PITPNM2: variants seen among roughly 807,000 people sequenced by gnomAD.
PITPNM2 encodes membrane-associated phosphatidylinositol transfer protein 2.
Under a neutral mutation model 132.2 loss-of-function variants are expected in PITPNM2, and 35 were observed. The observed-to-expected ratio is 0.26, with a 90% confidence interval of 0.20 to 0.35. PITPNM2 has a LOEUF of 0.35. Ranked by LOEUF, PITPNM2 falls within the 10% of genes least tolerant of loss-of-function variation. The pLI is 1.00. For synonymous variants in PITPNM2, 738 were observed against 799.2 expected, an observed-to-expected ratio of 0.92 and a Z score of 1.29; for missense variants, 1,332 against 1,912.0, an observed-to-expected ratio of 0.70 and a Z score of 5.66.
In PITPNM2 at chr12:123,099,868, A is replaced by G. The variant is rs1404372802; in HGVS notation, c.-96+10517T>C. On this transcript the variant is annotated intron_variant, in intron 2 of 25. Transcript: ENST00000320201. The surrounding 1 kb of genome is among the most constrained non-coding windows in gnomAD (Gnocchi z 4.2). ...GAGGCCTATTCCCAGGGGCAATCAG[A>G]AGACTAGAAAGCACTGAAAGAGGCA... 6.6e-6 allele frequency among the ~76,000 whole-genome samples: 1 copy of G among 152,126 alleles called. No homozygotes were observed. Among genetic ancestry groups the G allele is most frequent in the Non-Finnish European group, 1.5e-5 (1 of 68,020 alleles).
chr12:123,151,523 G>A (rs1211339121), upstream of PITPNM2, among the ~76,000 whole-genome samples: 2 of 152,160 alleles, frequency 1.3e-5, no homozygotes, highest in East Asian at 3.9e-4. Flanking sequence ...GCTCACCGAA[G>A]CCCAGCCCCG....
chr12:123,134,661 T>G (rs2043337628), intron 1 of PITPNM2, among the ~76,000 whole-genome samples: 1 of 151,986 alleles, frequency 6.6e-6, no homozygotes, highest in South Asian at 2.1e-4. Context: ...TTTTACAAAA[T>G]GCTTAGATTC....
chr12:123,103,371 G>C (rs1566294588), intron 2 of PITPNM2, among the ~76,000 whole-genome samples: 1 of 152,214 alleles, frequency 6.6e-6, no homozygotes, highest in East Asian at 1.9e-4. Context: ...CTCAGCATGA[G>C]CCAAGTGAAT....
chr12:123,114,021 G>A (rs998923346), intron 1 of PITPNM2, among the ~76,000 whole-genome samples: 2 of 152,060 alleles, frequency 1.3e-5, no homozygotes, highest in Non-Finnish European at 2.9e-5. Context: ...CATTTGTGTC[G>A]GTATTTCATT....
intron 3 of PITPNM2, chr12:123,021,901 T>TG (rs1253314475): frequency 1.2e-5 from 2 of 166,082 alleles, no homozygotes; most frequent in East Asian, 3.8e-4. Flanking sequence ...GAAAATTAGA[T>TG]GCGAGCATGT....
intron 1 of PITPNM2, among the ~76,000 whole-genome samples, chr12:123,128,162 T>C (rs970273532): frequency 1.3e-5 from 2 of 150,020 alleles, no homozygotes. Flanking sequence ...CTGAGTGCGG[T>C]TGCTCATGCC....
intron 3 of PITPNM2, among the ~76,000 whole-genome samples, chr12:123,017,707 A>C (rs910081453): frequency 6.6e-6 from 1 of 152,396 alleles, no homozygotes; most frequent in East Asian, 1.9e-4. Context: ...GTAATGCTAC[A>C]TACCACAACA....
At chr12:123,063,098 A>T (rs1185559510) in intron 2 of PITPNM2, among the ~76,000 whole-genome samples, 1 of 152,256 alleles carries the variant, frequency 6.6e-6, no homozygotes, top group Non-Finnish European at 1.5e-5. Context: ...TGCTGACGGA[A>T]CCTGTGTTGC....
chr12:123,078,341 G>A lies in PITPNM2; in HGVS notation c.-96+32044C>T, dbSNP rs567469150. Among the ~76,000 whole-genome samples the A allele has an allele frequency of 6.6e-6, 1 of 152,230 alleles. No individual in the cohort carries two copies. Among genetic ancestry groups the A allele is most frequent in the African/African-American group, 2.4e-5 (1 of 41,550 alleles). On this transcript the variant is annotated intron_variant, in intron 2 of 25. Transcript: ENST00000320201. This position sits in a 1 kb window ranked among gnomAD's most constrained non-coding sequence, Gnocchi z 7.3. Reference sequence around the variant, plus strand: ...GGGGAGGGGTACCGGCCAGACCGGTGGGCAAAAGCAGCAGCTGGTGGCCAC... The same window carrying A: ...GGGGAGGGGTACCGGCCAGACCGGTAGGCAAAAGCAGCAGCTGGTGGCCAC...
chr12:123,104,210 C>T (rs2042635255), intron 2 of PITPNM2, among the ~76,000 whole-genome samples: 2 of 152,194 alleles, frequency 1.3e-5, no homozygotes, highest in Admixed American at 6.5e-5. Context: ...GGATTACAGG[C>T]GTGGGCCACC....
At position 123,119,384 on chromosome 12, in the gene PITPNM2, G is replaced by A. The variant is rs1218260780; in HGVS notation, c.-199-8896C>T. 1.7e-4 allele frequency among the ~76,000 whole-genome samples: 24 copies of A among 142,452 alleles called. No individual in the cohort carries two copies. In the South Asian group the frequency reaches 5.3e-3, roughly 31 times the overall value. The allele number at this position is 142,452 out of a possible 152,430, so 93.5% of individuals were successfully genotyped here. On this transcript the variant is annotated intron_variant, in intron 1 of 25. Transcript: ENST00000320201. The stretch of plus-strand genomic sequence containing the variant: ...TTTTTTTTTTTTTTTTTGAGACAGA[G>A]TCTTGCTCTGTCACCCAGGCTGGAG...
rs367911617 is a variant in PITPNM2 at position 123,099,246 on chromosome 12, T to C, written c.-96+11139A>G. Among the ~76,000 whole-genome samples the C allele has an allele frequency of 2.0e-5, 3 of 151,426 alleles. No homozygotes were observed. Among genetic ancestry groups the C allele is most frequent in the Non-Finnish European group, 4.4e-5 (3 of 67,854 alleles). On this transcript the variant is annotated intron_variant, in intron 2 of 25. Transcript: ENST00000320201. This position sits in a 1 kb window ranked among gnomAD's most constrained non-coding sequence, Gnocchi z 4.2. ...CTGTCGATTTTGCTGAAAAAAAAAA[T>C]ATATATCTTTTTTTTTAAAGAATGA...
intron 16 of PITPNM2, 21 bp from the exon 17 acceptor site, chr12:122,990,730 G>A (rs2038152563): frequency 9.5e-6 from 15 of 1,586,788 alleles, no homozygotes; most frequent in Non-Finnish European, 1.3e-5. Flanking sequence ...ACAGGGACCA[G>A]AGGCCAGGTA....
At position 122,986,820 on chromosome 12, in the gene PITPNM2, C is replaced by T; in HGVS notation, c.3423G>A (p.Gln1141=). Residue 1141 remains glutamine, a synonymous_variant, in exon 24 of 26, where the codon CAG becomes CAA. Coordinates refer to ENST00000320201, the MANE Select transcript of PITPNM2 (RefSeq NM_020845.3). Reference sequence around the variant, plus strand: ...CGTAGATGATGAGGTAGCCCAGGTCCTGCCAGTGCCTGGGGGTGAGGTGTC... The same window carrying T: ...CGTAGATGATGAGGTAGCCCAGGTCTTGCCAGTGCCTGGGGGTGAGGTGTC... The part of the protein sequence containing the change: ...AGAVDVVRHW[Q]DLGYLIIYVT... The T allele has an allele frequency of 6.2e-7, 1 of 1,610,218 alleles. No individual in the cohort carries two copies. Among genetic ancestry groups the T allele is most frequent in the Non-Finnish European group, 8.5e-7 (1 of 1,178,242 alleles).
rs549212886 is a variant in PITPNM2, at chr12:123,078,338, G to A, written c.-96+32047C>T. 2.2e-4 allele frequency among the ~76,000 whole-genome samples: 34 copies of A among 152,264 alleles called. No homozygotes were observed. Among genetic ancestry groups the A allele is most frequent in the Admixed American group, 1.3e-3 (20 of 15,300 alleles). ...GGCGGGGAGGGGTACCGGCCAGACC[G>A]GTGGGCAAAAGCAGCAGCTGGTGGC... On this transcript the variant is annotated intron_variant, in intron 2 of 25. Coordinates refer to ENST00000320201, the MANE Select transcript of PITPNM2 (RefSeq NM_020845.3). The surrounding 1 kb of genome is among the most constrained non-coding windows in gnomAD (Gnocchi z 7.3).
Position 123,000,022 on chromosome 12 carries a change from G to A in PITPNM2, c.1224+756C>T, listed in dbSNP as rs1056897048. ...TGACCCTTTCTAGAAAGCTGACCTC[G>A]GCATCAGACCGCAAAGCAGAAAACC... On this transcript the variant is annotated intron_variant, in intron 10 of 25. Coordinates refer to ENST00000320201, the MANE Select transcript of PITPNM2 (RefSeq NM_020845.3). This position sits in a 1 kb window ranked among gnomAD's most constrained non-coding sequence, Gnocchi z 5.4. Among the ~76,000 whole-genome samples the A allele has an allele frequency of 2.0e-5, 3 of 152,206 alleles. No individual in the cohort carries two copies. Among genetic ancestry groups the A allele is most frequent in the Admixed American group, 6.5e-5 (1 of 15,286 alleles).
chr12:123,071,695 G>A (rs147366517), intron 2 of PITPNM2, among the ~76,000 whole-genome samples: 1 of 152,354 alleles, frequency 6.6e-6, no homozygotes, highest in East Asian at 1.9e-4. Context: ...CGCTTCACAC[G>A]CTCCTGCGAC....
chr12:123,146,314 G>T (rs1396450408), intron 1 of PITPNM2, among the ~76,000 whole-genome samples: 1 of 152,156 alleles, frequency 6.6e-6, no homozygotes, highest in Non-Finnish European at 1.5e-5. Context: ...AAAGTTAACA[G>T]CTGGGCGTGG....
chr12:123,129,865 A>G (rs1009945737), intron 1 of PITPNM2, among the ~76,000 whole-genome samples: 4 of 151,814 alleles, frequency 2.6e-5, no homozygotes, highest in African/African-American at 2.4e-5. Flanking sequence ...ACACTCCTGC[A>G]TACCATCTGA....
Sources: gnomAD v4.1 joint callset for allele counts (sites outside exome capture counted in the v4.1 genomes callset) on GRCh38, gnomAD v4.1.1 for gene constraint, Gnocchi (gnomAD v3.1) non-coding constraint, MANE v1.5 for transcripts, NCBI Gene and HGNC (gene_info 2026-07-23, HGNC 2026-07-21) for gene names.